FOXF2: variants seen among roughly 807,000 people sequenced by gnomAD.
The protein encoded by FOXF2 is forkhead box F2.
In FOXF2, 15 loss-of-function variants were observed where a neutral mutation model predicts 29.1. The ratio of observed to expected loss-of-function variants is 0.52; its 90% confidence interval spans 0.35 to 0.79. The LOEUF is 0.79. FOXF2 is among the 30% of genes least tolerant of loss of function. FOXF2 has a pLI of 0.01. For missense variants in FOXF2, 675 were observed against 667.1 expected (o/e 1.01, Z -0.13); for synonymous variants, 337 against 316.5 (o/e 1.06, Z -0.69).
chr6:1,392,737 G>T (rs1028473928), intron 1 of FOXF2, among the ~76,000 whole-genome samples: 1 of 152,160 alleles, frequency 6.6e-6, no homozygotes. Flanking sequence ...CCAAAACTTC[G>T]GAATCTGGAT....
In FOXF2 at chr6:1,390,188, G is replaced by C. The variant is rs935167708; in HGVS notation, c.241G>C (p.Ala81Pro). The change falls in exon 1 of 2, where the codon GCG (alanine) becomes CCG (proline). Residue 81 changes from alanine (A) to proline (P), a missense_variant. Ala to Pro is a conservative substitution (Grantham distance 27, BLOSUM62 -1). Around this residue, in one of 3 missense-constraint regions of FOXF2, gnomAD observed 220 missense variants for 205.5 expected, o/e 1.07. Coordinates refer to ENST00000645481, the MANE Select transcript of FOXF2 (RefSeq NM_001452.2). The surrounding 1 kb of genome is among the most constrained non-coding windows in gnomAD (Gnocchi z 8.5). The part of the protein sequence containing the change: ...AACKSAGGGG[A>P]GAGSGGAKKA... ...CTGCAAGAGCGCGGGCGGCGGCGGC[G>C]CGGGCGCCGGGAGCGGGGGCGCCAA... 7.5e-6 allele frequency: 11 copies of C among 1,473,908 alleles called. No individual in the cohort carries two copies. In the Admixed American group the frequency reaches 2.9e-4, roughly 39 times the overall value. 91.3% of individuals were successfully genotyped at this position (1,473,908 alleles called of 1,614,324 possible). A position where few individuals can be genotyped will look rare whatever the true frequency, so the allele number is the denominator to read the frequency against.
chr6:1,392,096 C>T (rs1006293429), intron 1 of FOXF2, among the ~76,000 whole-genome samples: 1 of 152,172 alleles, frequency 6.6e-6, no homozygotes, highest in African/African-American at 2.4e-5. Context: ...TCACACTGGC[C>T]TCCCACAGCA....
rs1043090076 is a variant in FOXF2 at position 1,395,270 on chromosome 6, T to C, written c.*411T>C. 7 of 198,924 alleles carry C rather than the reference T, an allele frequency of 3.5e-5. No homozygotes were observed. Among genetic ancestry groups the C allele is most frequent in the Non-Finnish European group, 5.2e-5 (5 of 96,172 alleles). 12.3% of individuals were successfully genotyped at this position (198,924 alleles called of 1,614,324 possible). A position where few individuals can be genotyped will look rare whatever the true frequency, so the allele number is the denominator to read the frequency against. On this transcript the variant is annotated 3_prime_UTR_variant, in exon 2 of 2. Coordinates refer to ENST00000645481, the MANE Select transcript of FOXF2 (RefSeq NM_001452.2). ...AAAAAGGCAGTGCTAAGCACAAGAT[T>C]TCAAGAAAGCCTCTTCTTGTTGCCT...
intron 1 of FOXF2, among the ~76,000 whole-genome samples, chr6:1,392,434 TCACACACACACACACACACACACACA>T (rs71738664): frequency 1.9e-5 from 2 of 107,676 alleles, no homozygotes; most frequent in East Asian, 3.7e-4. Flanking sequence ...CGGCTGTCAA[TCACACACACACACACACACACACACA>T]CACACACACA....
At chr6:1,392,878 C>T (rs566346893) in intron 1 of FOXF2, among the ~76,000 whole-genome samples, 1 of 152,226 alleles carries the variant, frequency 6.6e-6, no homozygotes, top group Non-Finnish European at 1.5e-5. Context: ...CTGGGAACGC[C>T]CGGGGGAGAC....
Position 1,392,476 on chromosome 6 carries a change from A to ACACACACC in FOXF2, c.1171+1359_1171+1360insACACACCC, listed in dbSNP as rs57146251. Among the ~76,000 whole-genome samples, 33 of 139,976 alleles carry ACACACACC rather than the reference A, an allele frequency of 2.4e-4. No homozygotes were observed. The East Asian group carries it at 2.8e-3, about 12-fold the overall frequency. The allele number at this position is 139,976 out of a possible 152,430, so 91.8% of individuals were successfully genotyped here. A position where few individuals can be genotyped will look rare whatever the true frequency, so the allele number is the denominator to read the frequency against. ...CACACACACACACACACACACACAC[A>ACACACACC]CCCCTCGGTGCACTGGCCCCTTCCC... On this transcript the variant is annotated intron_variant, in intron 1 of 1. Coordinates refer to ENST00000645481, the MANE Select transcript of FOXF2 (RefSeq NM_001452.2).
At position 1,390,778 on chromosome 6, in the gene FOXF2, G is replaced by T. The variant is rs777878194; in HGVS notation, c.831G>T (p.Ser277=). 69 of 1,389,890 alleles carry T rather than the reference G, an allele frequency of 5.0e-5. No homozygotes were observed. Among genetic ancestry groups the T allele is most frequent in the Non-Finnish European group, 6.4e-5 (69 of 1,083,234 alleles). 86.1% of individuals were successfully genotyped at this position (1,389,890 alleles called of 1,614,324 possible). The change falls in exon 1 of 2, where the codon TCG becomes TCT. Residue 277 remains serine, a synonymous_variant. Transcript: ENST00000645481. The surrounding 1 kb of genome is among the most constrained non-coding windows in gnomAD (Gnocchi z 8.5). ...HHHHHHVPHM[S]PNPGSTYMAS... ...ACCACCACCACGTCCCGCACATGTC[G>T]CCCAACCCGGGTTCCACCTACATGG...
Position 1,390,082 on chromosome 6 carries a change from C to T in FOXF2, c.135C>T (p.Thr45=), listed in dbSNP as rs369263338. 9.2e-5 allele frequency: 130 copies of T among 1,414,364 alleles called. No individual in the cohort carries two copies. In the East Asian group the frequency reaches 3.0e-3, roughly 33 times the overall value. The allele number at this position is 1,414,364 out of a possible 1,614,324, so 87.6% of individuals were successfully genotyped here. ...CCGCCGCCGCCGCCCCGGAGACCAC[C>T]TCCTCCTCCTCGTCGTCGTCCTCCG... is the stretch of plus-strand genomic sequence containing the variant. ...AAAAAAAPET[T]SSSSSSSSAS... is the part of the protein sequence containing the mutation. The change falls in exon 1 of 2, where the codon ACC becomes ACT. Residue 45 remains threonine (T), a synonymous_variant. Transcript: ENST00000645481. This position sits in a 1 kb window ranked among gnomAD's most constrained non-coding sequence, Gnocchi z 8.5.
At chr6:1,393,238 T>A (rs1343602285) in intron 1 of FOXF2, among the ~76,000 whole-genome samples, 1 of 152,014 alleles carries the variant, frequency 6.6e-6, no homozygotes, top group Non-Finnish European at 1.5e-5. Context: ...ATGGTCCATG[T>A]GCCCCTGCCG....
At chr6:1,392,446 A>ACT in intron 1 of FOXF2, among the ~76,000 whole-genome samples, 1 of 146,022 alleles carries the variant, frequency 6.8e-6, no homozygotes, top group East Asian at 2.0e-4. Context: ...ACACACACAC[A>ACT]CACACACACA....
rs143357476 is a variant in FOXF2 at position 1,394,405 on chromosome 6, C to G, written c.1172-291C>G. On this transcript the variant is annotated intron_variant, in intron 1 of 1. Coordinates refer to ENST00000645481, the MANE Select transcript of FOXF2 (RefSeq NM_001452.2). ...CATTCTGAGATTAAAGTGCACGCCC[C>G]AGCCTCAGAGAATAAAATTGGAATT... 2.3e-3 allele frequency among the ~76,000 whole-genome samples: 354 copies of G among 152,278 alleles called. 1 individual carries two copies. Among genetic ancestry groups the G allele is most frequent in the African/African-American group, 5.7e-3 (239 of 41,570 alleles).
At chr6:1,393,634 C>T (rs955442294) in intron 1 of FOXF2, among the ~76,000 whole-genome samples, 11 of 152,044 alleles carry the variant, frequency 7.2e-5, no homozygotes, top group Non-Finnish European at 1.5e-4. Context: ...GAGAGCAGGG[C>T]CCGAGCCCGG....
chr6:1,393,048 G>A (rs1340428974), intron 1 of FOXF2, among the ~76,000 whole-genome samples: 1 of 152,212 alleles, frequency 6.6e-6, no homozygotes, highest in Non-Finnish European at 1.5e-5. Context: ...GGGACCCCGC[G>A]GGGCCTAGTT....
At position 1,390,850 on chromosome 6, in the gene FOXF2, G is replaced by GTGC; in HGVS notation, c.903_904insTGC (p.Gly301_Gly302insCys). 7.1e-7 allele frequency: 1 copy of GTGC among 1,418,298 alleles called. No individual in the cohort carries two copies. Among genetic ancestry groups the GTGC allele is most frequent in the Non-Finnish European group, 9.1e-7 (1 of 1,096,244 alleles). The allele number at this position is 1,418,298 out of a possible 1,614,324, so 87.9% of individuals were successfully genotyped here. On this transcript the variant is annotated inframe_insertion, in exon 1 of 2. Coordinates refer to ENST00000645481, the MANE Select transcript of FOXF2 (RefSeq NM_001452.2). This position sits in a 1 kb window ranked among gnomAD's most constrained non-coding sequence, Gnocchi z 8.5. The stretch of plus-strand genomic sequence containing the variant: ...GACCCGGGGGCGTCGGTGCGGCCGG[G>GTGC]GGCGGCGGCGGCGGCGACTACGGGC...
At chr6:1,393,231 G>T (rs1319723702) in intron 1 of FOXF2, among the ~76,000 whole-genome samples, 5 of 152,068 alleles carry the variant, frequency 3.3e-5, no homozygotes, top group Admixed American at 3.3e-4. Context: ...GGTGGCCATG[G>T]TCCATGTGCC....
Position 1,389,978 on chromosome 6 carries a change from C to T in FOXF2, c.31C>T (p.Pro11Ser). 1 of 1,011,132 alleles carries T rather than the reference C, an allele frequency of 9.9e-7. No homozygotes were observed. The highest frequency in any genetic ancestry group is 1.2e-6 in the Non-Finnish European group (1 of 848,446). 62.6% of individuals were successfully genotyped at this position (1,011,132 alleles called of 1,614,324 possible). Residue 11 changes from proline to serine, a missense_variant, in exon 1 of 2, where the codon CCG becomes TCG. Pro to Ser is a moderately conservative substitution (Grantham distance 74, BLOSUM62 -1). This residue lies in a region of FOXF2 where 220 missense variants were observed against 205.5 expected (regional missense o/e 1.07). Transcript: ENST00000645481. ...CACCGAGGGCGGGCCGCCGCCGGCC[C>T]CGCTCCGCCGCGCGTGCAGCCCGGT... is the stretch of plus-strand genomic sequence containing the variant. MTTEGGPPPA[P>S]LRRACSPVPG...
rs1287751596 is a variant in FOXF2 at position 1,391,003 on chromosome 6, G to T, written c.1056G>T (p.Pro352=). The change falls in exon 1 of 2, where the codon CCG becomes CCT. Residue 352 remains proline, a synonymous_variant. Transcript: ENST00000645481. ...SPGASPYLKQ[P]PALTPSSNPA... ...GCGCCTCGCCTTACCTCAAGCAGCC[G>T]CCTGCCCTGACGCCCAGCAGCAACC... 1.9e-6 allele frequency: 3 copies of T among 1,596,824 alleles called. No individual in the cohort carries two copies. Among genetic ancestry groups the T allele is most frequent in the Non-Finnish European group, 2.5e-6 (3 of 1,177,880 alleles).
chr6:1,394,452 C>A (rs890962641), intron 1 of FOXF2, among the ~76,000 whole-genome samples: 15 of 152,154 alleles, frequency 9.9e-5, no homozygotes, highest in African/African-American at 3.6e-4. Context: ...GAATCCCCCT[C>A]GAGGGGGAAC....
At position 1,390,354 on chromosome 6, in the gene FOXF2, T is replaced by A. The variant is rs754490997; in HGVS notation, c.407T>A (p.Phe136Tyr). The A allele has an allele frequency of 5.0e-6, 8 of 1,612,988 alleles. No homozygotes were observed. Among genetic ancestry groups the A allele is most frequent in the Non-Finnish European group, 6.8e-6 (8 of 1,179,918 alleles). ...IYQFLQARFP[F>Y]FRGAYQGWKN... ...CAGTTCCTGCAGGCGCGCTTCCCCT[T>A]CTTCCGCGGCGCCTACCAGGGCTGG... The change falls in exon 1 of 2, where the codon TTC becomes TAC. Residue 136 changes from phenylalanine (F) to tyrosine (Y), a missense_variant. By Grantham distance (22) the Phe-to-Tyr change is conservative (BLOSUM62 3). Transcript: ENST00000645481. The surrounding 1 kb of genome is among the most constrained non-coding windows in gnomAD (Gnocchi z 8.5).
Sources: allele counts gnomAD v4.1 joint callset (sites outside exome capture counted in the v4.1 genomes callset), GRCh38; gene constraint gnomAD v4.1.1; regional missense constraint gnomAD v4.1.1; non-coding constraint Gnocchi (gnomAD v3.1); transcripts MANE v1.5; gene names NCBI Gene and HGNC (gene_info 2026-07-23, HGNC 2026-07-21).